The following SLC29A1 variants were observed in gnomAD, a reference collection of about 807,000 sequenced individuals.
SLC29A1 encodes the protein equilibrative nucleoside transporter 1.
SLC29A1 carries 22 observed loss-of-function variants against 48.3 expected under a neutral mutation model. The observed-to-expected ratio is 0.46, with a 90% CI of 0.33 to 0.65. The LOEUF is 0.65. Among genes scored for constraint, SLC29A1 ranks in the 30% least tolerant of loss-of-function variants. SLC29A1 has a pLI of 0.03. For missense variants in SLC29A1, 491 were observed against 575.3 expected (o/e 0.85, Z 1.50); for synonymous variants, 228 against 231.0 (o/e 0.99, Z 0.12).
chr6:44,225,239 C>T (rs1055101008), intron 1 of SLC29A1, among the ~76,000 whole-genome samples: 1 of 152,268 alleles, frequency 6.6e-6, no homozygotes, highest in African/African-American at 2.4e-5. Flanking sequence ...GGCTCAGTGG[C>T]TCATGCCTGT....
chr6:44,231,442 T>C lies in SLC29A1; in HGVS notation c.845T>C (p.Ile282Thr), dbSNP rs1230762342. Residue 282 changes from isoleucine to threonine, a missense_variant, in exon 9 of 13, where the codon ATC (isoleucine) becomes ACC (threonine). Transcript: ENST00000371755. Reference sequence around the variant, plus strand: ...CAGCCCACCAATGAAAGCCACTCTATCAAAGCCATCCTGAAAAATGTACGT... The same window carrying C: ...CAGCCCACCAATGAAAGCCACTCTACCAAAGCCATCCTGAAAAATGTACGT... ...NSQPTNESHS[I>T]KAILKNISVL... 6.2e-7 allele frequency: 1 copy of C among 1,605,302 alleles called. No homozygotes were observed. The highest frequency in any genetic ancestry group is 2.2e-5 in the East Asian group (1 of 44,840).
upstream of SLC29A1, among the ~76,000 whole-genome samples, chr6:44,220,739 C>T (rs760799541): frequency 1.9e-4 from 29 of 151,542 alleles, no homozygotes; most frequent in African/African-American, 6.0e-4. Flanking sequence ...GCAGGAGACT[C>T]GCTTGAACCC....
chr6:44,222,233 C>G (rs961396733), upstream of SLC29A1, among the ~76,000 whole-genome samples: 1 of 115,492 alleles, frequency 8.7e-6, no homozygotes, highest in Non-Finnish European at 1.7e-5. Context: ...TTCCTGCCCT[C>G]TGGTTAGGGC....
chr6:44,221,225 C>T (rs1326621418), upstream of SLC29A1, among the ~76,000 whole-genome samples: 1 of 152,162 alleles, frequency 6.6e-6, no homozygotes, highest in African/African-American at 2.4e-5. This position sits in a 1 kb window ranked among gnomAD's most constrained non-coding sequence, Gnocchi z 4.2. Flanking sequence ...CTCCCCCTTA[C>T]ATTTTACACC....
At chr6:44,225,503 G>C (rs1388004176) in intron 1 of SLC29A1, among the ~76,000 whole-genome samples, 1 of 129,600 alleles carries the variant, frequency 7.7e-6, no homozygotes, top group African/African-American at 2.9e-5. Flanking sequence ...CAAAAACTCC[G>C]TCTCAAAAAA....
In SLC29A1 at chr6:44,224,317, G is replaced by T. The variant is rs376263615; in HGVS notation, c.-52+676G>T. ...TGCCTACTCCTCTCGGTGGCCTCCA[G>T]ACCCTCCAACTTTCCTCCTGCTTGT... is the stretch of plus-strand genomic sequence containing the variant. On this transcript the variant is annotated intron_variant, in intron 1 of 12. Transcript: ENST00000371755. Among the ~76,000 whole-genome samples, 191 of 149,702 alleles carry T rather than the reference G, an allele frequency of 1.3e-3. 3 individuals carry two copies. In the South Asian group the frequency reaches 0.028, roughly 22 times the overall value.
chr6:44,231,302 GTT>G, intron 8 of SLC29A1, 60 bp from the exon 9 acceptor site: 2 of 1,110,918 alleles, frequency 1.8e-6, no homozygotes, highest in Non-Finnish European at 2.7e-6. Context: ...TTTGGGGAAT[GTT>G]TATGTTGTCT....
chr6:44,223,935 C>T lies in SLC29A1; in HGVS notation c.-52+294C>T. Reference sequence around the variant, plus strand: ...CCTCCGCAAGGGGCAGGCGAGTGGACGGGTGATCCCCATCGATCTGGTCGG... The same window carrying T: ...CCTCCGCAAGGGGCAGGCGAGTGGATGGGTGATCCCCATCGATCTGGTCGG... On this transcript the variant is annotated intron_variant, in intron 1 of 12. Transcript: ENST00000371755. The surrounding 1 kb of genome is among the most constrained non-coding windows in gnomAD (Gnocchi z 5.0). 5.1e-6 allele frequency: 5 copies of T among 989,348 alleles called. No individual in the cohort carries two copies. Among genetic ancestry groups the T allele is most frequent in the Non-Finnish European group, 6.0e-6 (5 of 832,648 alleles). The allele number at this position is 989,348 out of a possible 1,614,324, so 61.3% of individuals were successfully genotyped here.
Position 44,230,516 on chromosome 6 carries a change from TGTG to T in SLC29A1, c.589+40_589+42del, listed in dbSNP as rs780586852. 8 of 1,613,746 alleles carry T rather than the reference TGTG, an allele frequency of 5.0e-6. No homozygotes were observed. In the South Asian group the frequency reaches 7.7e-5, roughly 16 times the overall value. Reference sequence around the variant, plus strand: ...GCTATCTACCTGCCCAGTGCCCTGGTGTGGTGGGGAGAGGGGATGGGGCCTGTC... The same window carrying T: ...GCTATCTACCTGCCCAGTGCCCTGGTGTGGGGAGAGGGGATGGGGCCTGTC... On this transcript the variant is annotated intron_variant, in intron 6 of 12. Transcript: ENST00000371755.
intron 2 of SLC29A1, among the ~76,000 whole-genome samples, chr6:44,228,294 C>T (rs1778020078): frequency 6.6e-6 from 1 of 152,222 alleles, no homozygotes. Context: ...TCAGTCATTT[C>T]CCAGCGTACT....
Position 44,230,542 on chromosome 6 carries a change from G to A in SLC29A1, c.590-26G>A, listed in dbSNP as rs775834433. The A allele has an allele frequency of 7.4e-6, 12 of 1,613,918 alleles. No homozygotes were observed. In the East Asian group the frequency reaches 2.4e-4, roughly 33 times the overall value. On this transcript the variant is annotated intron_variant, in intron 6 of 12. Coordinates refer to ENST00000371755, the MANE Select transcript of SLC29A1 (RefSeq NM_001372327.1). ...GTGGTGGGGAGAGGGGATGGGGCCTGTCTCTGATCACTGACACCACCCCAG... is the reference window on the plus strand; with the variant it reads ...GTGGTGGGGAGAGGGGATGGGGCCTATCTCTGATCACTGACACCACCCCAG...
Position 44,226,944 on chromosome 6 carries a change from C to T in SLC29A1, c.-51-319C>T, listed in dbSNP as rs145906429. ...CTCCCTCCCATCATCTTTCCTCCTC[C>T]TTCCCTCCTGCTCTCCACCCTCCTG... On this transcript the variant is annotated intron_variant, in intron 1 of 12. Transcript: ENST00000371755. 6.7e-3 allele frequency: 7,366 copies of T among 1,092,870 alleles called. 34 individuals are homozygous for T. The highest frequency in any genetic ancestry group is 7.7e-3 in the Non-Finnish European group (6,911 of 892,840). 67.7% of individuals were successfully genotyped at this position (1,092,870 alleles called of 1,614,324 possible).
chr6:44,229,166 C>T lies in SLC29A1; in HGVS notation c.30-224C>T, dbSNP rs1487963121. Reference sequence around the variant, plus strand: ...CCATGGTCCTGTCAGCCATGCCATTCAGTCCTATGACCCTGACCCCATCCC... The same window carrying T: ...CCATGGTCCTGTCAGCCATGCCATTTAGTCCTATGACCCTGACCCCATCCC... On this transcript the variant is annotated intron_variant, in intron 2 of 12. Coordinates refer to ENST00000371755, the MANE Select transcript of SLC29A1 (RefSeq NM_001372327.1). This position sits in a 1 kb window ranked among gnomAD's most constrained non-coding sequence, Gnocchi z 5.1. Among the ~76,000 whole-genome samples the T allele has an allele frequency of 6.6e-6, 1 of 152,224 alleles. No homozygotes were observed. The highest frequency in any genetic ancestry group is 6.5e-5 in the Admixed American group (1 of 15,288).
At chr6:44,219,937 C>T (rs1336337048), upstream of SLC29A1, among the ~76,000 whole-genome samples, 2 of 152,138 alleles carry the variant, frequency 1.3e-5, no homozygotes, top group African/African-American at 4.8e-5. Flanking sequence ...TTTCTGGATG[C>T]GGGGCCACTT....
At chr6:44,227,078 C>T (rs919114355) in intron 1 of SLC29A1, 185 bp from the exon 2 acceptor site, 21 of 1,408,434 alleles carry the variant, frequency 1.5e-5, no homozygotes, top group Non-Finnish European at 1.8e-5. Flanking sequence ...GCAGGACTGG[C>T]CTGCTGGGCC....
Position 44,224,660 on chromosome 6 carries a change from A to T in SLC29A1, c.-52+1019A>T, listed in dbSNP as rs571798627. Among the ~76,000 whole-genome samples the T allele has an allele frequency of 3.9e-4, 60 of 152,228 alleles. 1 individual carries two copies. The highest frequency in any genetic ancestry group is 2.8e-3 in the Admixed American group (43 of 15,302). ...TAGTACTAGCTTATGGGTGGTTGTG[A>T]AGAAAAGACAAGAGATCTGCAGGTA... is the stretch of plus-strand genomic sequence containing the variant. On this transcript the variant is annotated intron_variant, in intron 1 of 12. Transcript: ENST00000371755.
At chr6:44,219,668 C>G, upstream of SLC29A1, 5 of 1,277,722 alleles carry the variant, frequency 3.9e-6, no homozygotes, top group Non-Finnish European at 5.1e-6. Context: ...GCTGCGCTCT[C>G]CAGCTGTGGC....
chr6:44,228,454 G>T (rs182784805), intron 2 of SLC29A1, among the ~76,000 whole-genome samples: 15 of 152,228 alleles, frequency 9.9e-5, no homozygotes, highest in Admixed American at 8.5e-4. Flanking sequence ...ACCTGCTCAC[G>T]TGGTGTGCTC....
At position 44,232,807 on chromosome 6, in the gene SLC29A1, C is replaced by G. The variant is rs771476173; in HGVS notation, c.1060C>G (p.Pro354Ala). ...GRSLTAVFMW[P>A]GKDSRWLPSL... ...CTGAGGCCCTGCCTGGTGCCCACAG[C>G]CTGGGAAGGACAGCCGCTGGCTGCC... The change falls in exon 12 of 13, where the codon CCT (proline) becomes GCT (alanine). Residue 354 changes from proline to alanine, a missense_variant and splice_region_variant. Coordinates refer to ENST00000371755, the MANE Select transcript of SLC29A1 (RefSeq NM_001372327.1). This position sits in a 1 kb window ranked among gnomAD's most constrained non-coding sequence, Gnocchi z 4.7. 2 of 1,609,910 alleles carry G rather than the reference C, an allele frequency of 1.2e-6. No homozygotes were observed. The highest frequency in any genetic ancestry group is 1.7e-6 in the Non-Finnish European group (2 of 1,179,806).
Sources: gnomAD v4.1 joint callset for allele counts (sites outside exome capture counted in the v4.1 genomes callset) on GRCh38, gnomAD v4.1.1 for gene constraint, Gnocchi (gnomAD v3.1) non-coding constraint, MANE v1.5 for transcripts, NCBI Gene and HGNC (gene_info 2026-07-23, HGNC 2026-07-21) for gene names.